The following PCGF6 variants were observed in gnomAD, a reference collection of about 807,000 sequenced individuals.
PCGF6 encodes polycomb group RING finger protein 6.
A neutral mutation model predicts 45.5 loss-of-function variants in PCGF6; 24 were observed. The observed-to-expected ratio is 0.53, with a 90% CI of 0.38 to 0.74. The LOEUF (loss-of-function observed/expected upper bound fraction) is 0.74. Ranked by LOEUF, PCGF6 falls within the 30% of genes least tolerant of loss-of-function variation. The pLI is 0.00. For synonymous variants in PCGF6, 152 were observed against 162.1 expected, an observed-to-expected ratio of 0.94 and a Z score of 0.47; for missense variants, 356 against 443.2, an observed-to-expected ratio of 0.80 and a Z score of 1.77.
At position 103,344,101 on chromosome 10, in the gene PCGF6, A is replaced by G. The variant is rs533034027; in HGVS notation, c.782+923T>C. Among the ~76,000 whole-genome samples, 145 of 152,272 alleles carry G rather than the reference A, an allele frequency of 9.5e-4. 1 individual carries two copies. The highest frequency in any genetic ancestry group is 1.5e-3 in the Non-Finnish European group (103 of 68,022). On this transcript the variant is annotated intron_variant, in intron 6 of 9. Coordinates refer to ENST00000369847, the MANE Select transcript of PCGF6 (RefSeq NM_001011663.2). Reference sequence around the variant, plus strand: ...TATATTCATTTTAATGGAATGCCAAATAATGGTGAAAATGAATGAACTAGG... The same window carrying G: ...TATATTCATTTTAATGGAATGCCAAGTAATGGTGAAAATGAATGAACTAGG...
At chr10:103,348,114 T>TA (rs991883742) in intron 3 of PCGF6, among the ~76,000 whole-genome samples, 63 of 152,028 alleles carry the variant, frequency 4.1e-4, no homozygotes, top group African/African-American at 1.5e-3. Flanking sequence ...GTATTACTTC[T>TA]AAAAAAACAG....
chr10:103,314,310 T>C (rs2093167238), intron 8 of PCGF6, 38 bp from the exon 9 acceptor site: 1 of 1,206,684 alleles, frequency 8.3e-7, no homozygotes, highest in African/African-American at 1.5e-5. Context: ...GATTTCTTGC[T>C]TCAAAATACC....
At chr10:103,345,174 T>C (rs1440143032) in intron 5 of PCGF6, 42 bp from the exon 6 acceptor site, 1 of 1,372,834 alleles carries the variant, frequency 7.3e-7, no homozygotes, top group Admixed American at 2.0e-5. Context: ...AGAATAAAAA[T>C]GCCATAAATT....
intron 6 of PCGF6, among the ~76,000 whole-genome samples, chr10:103,340,758 A>G (rs1466596445): frequency 1.3e-5 from 2 of 151,826 alleles, no homozygotes; most frequent in African/African-American, 4.8e-5. Flanking sequence ...CACCATGGCC[A>G]ATTAATTTTC....
chr10:103,350,657 G>T, intron 1 of PCGF6, 50 bp downstream of exon 1: 8 of 1,396,382 alleles, frequency 5.7e-6, no homozygotes, highest in Non-Finnish European at 5.6e-6. Flanking sequence ...GGCCAGCTAC[G>T]TCCCTGACGC....
intron 9 of PCGF6, among the ~76,000 whole-genome samples, chr10:103,305,802 C>T (rs1592051733): frequency 6.6e-6 from 1 of 151,750 alleles, no homozygotes; most frequent in East Asian, 1.9e-4. Context: ...AATCCCAACA[C>T]TTTGAGAGTC....
intron 7 of PCGF6, among the ~76,000 whole-genome samples, chr10:103,329,475 A>T (rs1461452703): frequency 6.6e-6 from 1 of 152,110 alleles, no homozygotes; most frequent in Admixed American, 6.6e-5. Flanking sequence ...TAACATAAGC[A>T]TATACATATA....
chr10:103,350,083 A>AAAAAC (rs374769152), intron 1 of PCGF6, among the ~76,000 whole-genome samples: 13,338 of 145,144 alleles, frequency 0.092, 792 homozygotes, highest in Non-Finnish European at 0.13. Flanking sequence ...ACTCCGTCTC[A>AAAAAC]AAAACAAAAC....
intron 7 of PCGF6, among the ~76,000 whole-genome samples, chr10:103,332,633 C>T (rs2093244090): frequency 6.6e-6 from 1 of 152,124 alleles, no homozygotes; most frequent in Admixed American, 6.5e-5. Flanking sequence ...CTCTGTTGGA[C>T]TGACTACTAC....
At chr10:103,309,914 G>A (rs1401109262) in intron 9 of PCGF6, among the ~76,000 whole-genome samples, 1 of 151,810 alleles carries the variant, frequency 6.6e-6, no homozygotes, top group African/African-American at 2.4e-5. Flanking sequence ...TGCATTCCAT[G>A]CATTCTAGGC....
intron 8 of PCGF6, among the ~76,000 whole-genome samples, chr10:103,325,548 G>C (rs968715464): frequency 3.3e-5 from 5 of 152,062 alleles, no homozygotes; most frequent in African/African-American, 1.2e-4. Context: ...GCGCCTGGCC[G>C]AGCTTGCTTG....
At chr10:103,319,174 G>C (rs889428250) in intron 8 of PCGF6, among the ~76,000 whole-genome samples, 1 of 152,130 alleles carries the variant, frequency 6.6e-6, no homozygotes, top group Admixed American at 6.6e-5. Context: ...TTTCGAGATG[G>C]AGTCTCACTC....
At chr10:103,311,734 G>C (rs906354609) in intron 9 of PCGF6, among the ~76,000 whole-genome samples, 18 of 151,996 alleles carry the variant, frequency 1.2e-4, no homozygotes, top group African/African-American at 4.3e-4. Context: ...ACATAACCTA[G>C]AAACAGTGCA....
intron 1 of PCGF6, among the ~76,000 whole-genome samples, chr10:103,349,579 C>T (rs759804389): frequency 1.4e-4 from 19 of 132,972 alleles, no homozygotes; most frequent in Non-Finnish European, 3.0e-4. Flanking sequence ...CTCCCAGATT[C>T]AAGTGATTCT....
chr10:103,332,105 T>C (rs973093735), intron 7 of PCGF6, among the ~76,000 whole-genome samples: 2 of 152,054 alleles, frequency 1.3e-5, no homozygotes, highest in Admixed American at 6.6e-5. Flanking sequence ...TACATCTCTG[T>C]GTCCCCTGTA....
chr10:103,346,193 A>AT (rs918332716), intron 5 of PCGF6, among the ~76,000 whole-genome samples: 4 of 138,514 alleles, frequency 2.9e-5, no homozygotes, highest in Admixed American at 1.5e-4. Flanking sequence ...AGTCCATCTC[A>AT]TTTAAAAAAA....
chr10:103,336,448 T>G (rs907638997), intron 6 of PCGF6, among the ~76,000 whole-genome samples: 20 of 152,074 alleles, frequency 1.3e-4, no homozygotes, highest in Admixed American at 6.6e-5. Context: ...AGTTATAAAA[T>G]AAAACATCCC....
At chr10:103,315,976 G>C (rs2093173706) in intron 8 of PCGF6, among the ~76,000 whole-genome samples, 1 of 104,176 alleles carries the variant, frequency 9.6e-6, no homozygotes, top group Non-Finnish European at 1.9e-5. Flanking sequence ...ATATGTGTGT[G>C]TGTGTGTGTG....
intron 6 of PCGF6, among the ~76,000 whole-genome samples, chr10:103,337,771 T>C (rs1335125317): frequency 7.7e-6 from 1 of 129,810 alleles, no homozygotes; most frequent in Non-Finnish European, 1.7e-5. Flanking sequence ...CTACTAAAAA[T>C]ACAAAATTAG....
Sources: gnomAD v4.1 joint callset for allele counts (sites outside exome capture counted in the v4.1 genomes callset) on GRCh38, gnomAD v4.1.1 for gene constraint, MANE v1.5 for transcripts, NCBI Gene and HGNC (gene_info 2026-07-23, HGNC 2026-07-21) for gene names.